Variants in CDH2 observed in about 807,000 individuals in gnomAD.
CDH2 encodes the protein cadherin-2.
A neutral mutation model predicts 92.0 loss-of-function variants in CDH2; 17 were observed. That is an observed-to-expected ratio of 0.18 (90% CI 0.13 to 0.28). The LOEUF (loss-of-function observed/expected upper bound fraction) is 0.28, where lower values mean the gene tolerates loss of function less well. CDH2 is among the 10% of genes least tolerant of loss of function. The pLI is 1.00. For synonymous variants in CDH2, 419 were observed against 415.9 expected (o/e 1.01, Z -0.09); for missense variants, 862 against 1,133.1 (o/e 0.76, Z 3.44).
chr18:28,056,381 GAA>G (rs2014293640), intron 2 of CDH2, among the ~76,000 whole-genome samples: 1 of 152,128 alleles, frequency 6.6e-6, no homozygotes, highest in South Asian at 2.1e-4. Context: ...CTCTTAACAG[GAA>G]ATGGTAAAAG....
chr18:28,072,413 C>T (rs961160251), intron 2 of CDH2, among the ~76,000 whole-genome samples: 4 of 152,148 alleles, frequency 2.6e-5, no homozygotes, highest in Admixed American at 6.6e-5. Flanking sequence ...CTATCCCCTT[C>T]GACAGGCCTA....
chr18:28,030,903 C>T (rs1454896941), intron 2 of CDH2, among the ~76,000 whole-genome samples: 1 of 151,922 alleles, frequency 6.6e-6, no homozygotes, highest in Admixed American at 6.6e-5. Context: ...TTCTGGTTTC[C>T]CCCATCCCAT....
intron 2 of CDH2, among the ~76,000 whole-genome samples, chr18:28,129,963 T>C (rs1055548461): frequency 6.6e-6 from 1 of 152,176 alleles, no homozygotes; most frequent in African/African-American, 2.4e-5. Flanking sequence ...GTTGCAATAA[T>C]GTGACATTAA....
At chr18:28,040,574 G>T (rs1339378450) in intron 2 of CDH2, among the ~76,000 whole-genome samples, 1 of 152,170 alleles carries the variant, frequency 6.6e-6, no homozygotes, top group Non-Finnish European at 1.5e-5. Flanking sequence ...ATTAACCACA[G>T]GCAGCAAAAA....
chr18:28,171,149 G>T (rs2016458771), intron 1 of CDH2, among the ~76,000 whole-genome samples: 1 of 151,414 alleles, frequency 6.6e-6, no homozygotes, highest in African/African-American at 2.4e-5. Context: ...AGAATTCCTT[G>T]AGCCCGGGAG....
At chr18:28,005,146 C>A (rs529556864) in intron 6 of CDH2, among the ~76,000 whole-genome samples, 1 of 152,174 alleles carries the variant, frequency 6.6e-6, no homozygotes, top group Non-Finnish European at 1.5e-5. Context: ...GGTTTTCTAG[C>A]GGCCTGGCTT....
chr18:28,143,298 GGTT>G (rs1284621535), intron 2 of CDH2, among the ~76,000 whole-genome samples: 2 of 151,928 alleles, frequency 1.3e-5, no homozygotes, highest in African/African-American at 4.8e-5. Flanking sequence ...GTCACAGTGT[GGTT>G]GTTATTTCAT....
At chr18:28,011,801 C>T (rs777067753) in intron 4 of CDH2, 45 bp downstream of exon 4, 4 of 1,566,606 alleles carry the variant, frequency 2.6e-6, no homozygotes, top group South Asian at 2.3e-5. Flanking sequence ...TTTTAACATA[C>T]ATTTGTCTTG....
chr18:27,988,512 C>A lies in CDH2; in HGVS notation c.1741+12G>T. The A allele has an allele frequency of 6.2e-7, 1 of 1,609,254 alleles. No individual in the cohort carries two copies. The highest frequency in any genetic ancestry group is 8.5e-7 in the Non-Finnish European group (1 of 1,176,818). ...TCTTTCATCAACATACAAGAAAAAA[C>A]AGCGAACATACCATTGTCAGAAGCA... On this transcript the variant is annotated intron_variant, in intron 11 of 15. Transcript: ENST00000269141.
chr18:28,124,692 A>G (rs2015648148), intron 2 of CDH2, among the ~76,000 whole-genome samples: 2 of 152,142 alleles, frequency 1.3e-5, no homozygotes, highest in African/African-American at 4.8e-5. Flanking sequence ...CTATTTCTTA[A>G]CTCTTTTCAA....
chr18:28,167,647 C>CT (rs2016406087), intron 1 of CDH2, among the ~76,000 whole-genome samples: 1 of 152,070 alleles, frequency 6.6e-6, no homozygotes, highest in African/African-American at 2.4e-5. Flanking sequence ...TGGTAAAACT[C>CT]TGTCTTGATT....
chr18:28,140,368 A>T (rs1568014141), intron 2 of CDH2, among the ~76,000 whole-genome samples: 1 of 152,032 alleles, frequency 6.6e-6, no homozygotes, highest in Admixed American at 6.6e-5. Flanking sequence ...GAAAGTGAAG[A>T]GACAAGTACT....
chr18:28,034,250 C>T (rs975161588), intron 2 of CDH2, among the ~76,000 whole-genome samples: 5 of 152,002 alleles, frequency 3.3e-5, no homozygotes, highest in African/African-American at 1.2e-4. Flanking sequence ...TAAAACCATG[C>T]ATACGCTATA....
intron 1 of CDH2, among the ~76,000 whole-genome samples, chr18:28,167,881 G>C (rs1349165860): frequency 6.6e-6 from 1 of 152,106 alleles, no homozygotes; most frequent in Non-Finnish European, 1.5e-5. Context: ...TAGCAAGAGA[G>C]TGGGTGCCAA....
chr18:28,104,379 G>A (rs2015286799), intron 2 of CDH2, among the ~76,000 whole-genome samples: 1 of 151,946 alleles, frequency 6.6e-6, no homozygotes, highest in South Asian at 2.1e-4. Context: ...TGTAACTGTT[G>A]ATATCTTGAA....
chr18:27,974,154 A>G (rs983936311), intron 14 of CDH2, among the ~76,000 whole-genome samples: 1 of 152,162 alleles, frequency 6.6e-6, no homozygotes, highest in Non-Finnish European at 1.5e-5. Flanking sequence ...ACTGTCTTAG[A>G]AAATCACCTC....
intron 2 of CDH2, among the ~76,000 whole-genome samples, chr18:28,122,184 C>T (rs1276533200): frequency 1.3e-5 from 2 of 152,106 alleles, no homozygotes. Context: ...TGTTTTAAGG[C>T]TTAGCTCAGA....
intron 2 of CDH2, among the ~76,000 whole-genome samples, chr18:28,088,248 T>C (rs561914284): frequency 2.0e-5 from 3 of 152,190 alleles, no homozygotes; most frequent in Non-Finnish European, 2.9e-5. Flanking sequence ...GGAAGGAATA[T>C]ATTGATACTC....
At chr18:28,074,319 C>G (rs1284900625) in intron 2 of CDH2, among the ~76,000 whole-genome samples, 2 of 152,148 alleles carry the variant, frequency 1.3e-5, no homozygotes, top group Non-Finnish European at 2.9e-5. Flanking sequence ...CTGAAGCCAC[C>G]AGCATAACTG....
Sources: allele counts gnomAD v4.1 joint callset (sites outside exome capture counted in the v4.1 genomes callset), GRCh38; gene constraint gnomAD v4.1.1; transcripts MANE v1.5; gene names NCBI Gene and HGNC (gene_info 2026-07-23, HGNC 2026-07-21).